TRDMT1: variants seen among roughly 807,000 people sequenced by gnomAD.
TRDMT1 encodes tRNA aspartic acid methyltransferase 1, also known as tRNA (cytosine(38)-C(5))-methyltransferase.
Under a neutral mutation model 51.2 loss-of-function variants are expected in TRDMT1, and 49 were observed. That is an observed-to-expected ratio of 0.96 (90% confidence interval 0.76 to 1.21). TRDMT1 has a LOEUF of 1.21. TRDMT1 is among the 50% of genes most tolerant of loss of function. The probability of loss-of-function intolerance (pLI) is 0.00; values close to 1 mark genes in which losing one functional copy is unlikely to be tolerated. For synonymous variants in TRDMT1, 187 were observed against 164.6 expected (o/e 1.14, Z -1.04); for missense variants, 534 against 462.3 (o/e 1.16, Z -1.42).
Position 17,161,545 on chromosome 10 carries a change from T to C in TRDMT1, c.327A>G (p.Leu109=), listed in dbSNP as rs1840358352. 1 of 1,273,430 alleles carries C rather than the reference T, an allele frequency of 7.9e-7. No homozygotes were observed. Among genetic ancestry groups the C allele is most frequent in the South Asian group, 1.5e-5 (1 of 67,682 alleles). 78.9% of individuals were successfully genotyped at this position (1,273,430 alleles called of 1,614,324 possible). A position where few individuals can be genotyped will look rare whatever the true frequency, so the allele number is the denominator to read the frequency against. ...FLHILDILPR[L]QKLPKYILLE... ...AAAGAATATACTTTGGTAATTTTTG[T>C]AATCTATAAAAAAATAAACAAATGG... The change falls in exon 5 of 11, where the codon TTA becomes TTG. Residue 109 remains leucine, a synonymous_variant. Coordinates refer to ENST00000377799, the MANE Select transcript of TRDMT1 (RefSeq NM_004412.7).
At chr10:17,195,409 C>T (rs1213016491) in intron 1 of TRDMT1, among the ~76,000 whole-genome samples, 4 of 152,056 alleles carry the variant, frequency 2.6e-5, no homozygotes, top group Non-Finnish European at 5.9e-5. Context: ...ACATTGGATA[C>T]TCATGGACAA....
At position 17,143,879 on chromosome 10, in the gene TRDMT1, T is replaced by C. The variant is rs1219655538; in HGVS notation, c.*5161A>G. The C allele has an allele frequency of 3.0e-6, 3 of 985,114 alleles. No homozygotes were observed. Among genetic ancestry groups the C allele is most frequent in the South Asian group, 4.7e-5 (1 of 21,280 alleles). 61.0% of individuals were successfully genotyped at this position (985,114 alleles called of 1,614,324 possible). On this transcript the variant is annotated 3_prime_UTR_variant, in exon 11 of 11. Transcript: ENST00000377799. ...TTAAAGTCAAGAGTGGAACTGACTA[T>C]AGAATGGAGTGTGCTTAGGTTGCAA...
At position 17,146,513 on chromosome 10, in the gene TRDMT1, C is replaced by T; in HGVS notation, c.*2527G>A. 2.9e-5 allele frequency: 29 copies of T among 985,288 alleles called. No individual in the cohort carries two copies. The highest frequency in any genetic ancestry group is 3.5e-5 in the Non-Finnish European group (29 of 829,804). The allele number at this position is 985,288 out of a possible 1,614,324, so 61.0% of individuals were successfully genotyped here. ...TGTTTACATTAATTGATTTGGTCAT[C>T]TCTTAGAATTAGTTTTGGATCCTGA... On this transcript the variant is annotated 3_prime_UTR_variant, in exon 11 of 11. Transcript: ENST00000377799.
At chr10:17,201,040 ATC>A (rs1846084493) in intron 1 of TRDMT1, among the ~76,000 whole-genome samples, 2 of 152,212 alleles carry the variant, frequency 1.3e-5, no homozygotes, top group Admixed American at 6.5e-5. Context: ...CTTTCCAACG[ATC>A]AGACGTCCAA....
chr10:17,179,695 G>C (rs953817636), intron 1 of TRDMT1, among the ~76,000 whole-genome samples: 7 of 146,602 alleles, frequency 4.8e-5, no homozygotes, highest in Admixed American at 1.4e-4. Flanking sequence ...AGAGTTTCAA[G>C]TAATGTAAGA....
Position 17,144,797 on chromosome 10 carries a change from A to T in TRDMT1, c.*4243T>A. ...AGAAACGGAAGCTAGAAACAACAACAACAAAAAATACTTTTTCTTTTTTTT... is the reference window on the plus strand; with the variant it reads ...AGAAACGGAAGCTAGAAACAACAACTACAAAAAATACTTTTTCTTTTTTTT... On this transcript the variant is annotated 3_prime_UTR_variant, in exon 11 of 11. Coordinates refer to ENST00000377799, the MANE Select transcript of TRDMT1 (RefSeq NM_004412.7). 1 of 985,328 alleles carries T rather than the reference A, an allele frequency of 1.0e-6. No individual in the cohort carries two copies. 61.0% of individuals were successfully genotyped at this position (985,328 alleles called of 1,614,324 possible). A position where few individuals can be genotyped will look rare whatever the true frequency, so the allele number is the denominator to read the frequency against.
rs969766997 is a variant in TRDMT1, at chr10:17,141,919, C to G, written c.*7121G>C. ...AGGATCTAATCAAATTATCTGTTAC[C>G]ACAGAATGTTTTCTATTTTGGTTAT... is the stretch of plus-strand genomic sequence containing the variant. On this transcript the variant is annotated 3_prime_UTR_variant, in exon 11 of 11. Coordinates refer to ENST00000377799, the MANE Select transcript of TRDMT1 (RefSeq NM_004412.7). Among the ~76,000 whole-genome samples, 8 of 152,202 alleles carry G rather than the reference C, an allele frequency of 5.3e-5. No homozygotes were observed. The highest frequency in any genetic ancestry group is 1.7e-4 in the African/African-American group (7 of 41,534).
intron 3 of TRDMT1, among the ~76,000 whole-genome samples, chr10:17,167,411 T>C (rs1165547095): frequency 3.3e-5 from 5 of 152,208 alleles, no homozygotes; most frequent in Admixed American, 3.3e-4. Flanking sequence ...ATGCCCCAGT[T>C]TCTCATCTGT....
chr10:17,157,910 A>G (rs757768499), intron 7 of TRDMT1, 126 bp from the exon 8 acceptor site: 3 of 701,734 alleles, frequency 4.3e-6, no homozygotes, highest in Non-Finnish European at 6.9e-6. Context: ...TAAAAGATAG[A>G]AATTGTGGTT....
chr10:17,145,077 C>G lies in TRDMT1; in HGVS notation c.*3963G>C, dbSNP rs536542008. On this transcript the variant is annotated 3_prime_UTR_variant, in exon 11 of 11. Coordinates refer to ENST00000377799, the MANE Select transcript of TRDMT1 (RefSeq NM_004412.7). ...CCAGCCTGGCCAACATGGTGAAACC[C>G]GATCTCTACTAATACAAAAATTAGC... 1.5e-6 allele frequency: 1 copy of G among 684,550 alleles called. No homozygotes were observed. Among genetic ancestry groups the G allele is most frequent in the Non-Finnish European group, 1.8e-6 (1 of 555,362 alleles). The allele number at this position is 684,550 out of a possible 1,614,324, so 42.4% of individuals were successfully genotyped here.
At chr10:17,156,794 G>A (rs1049335837) in intron 8 of TRDMT1, among the ~76,000 whole-genome samples, 15 of 152,114 alleles carry the variant, frequency 9.9e-5, no homozygotes, top group African/African-American at 3.1e-4. Context: ...TACTTATAAA[G>A]GGGGATAAAA....
intron 1 of TRDMT1, among the ~76,000 whole-genome samples, chr10:17,197,458 G>A (rs1053241832): frequency 2.6e-5 from 4 of 152,186 alleles, no homozygotes; most frequent in African/African-American, 9.6e-5. Context: ...TACTGGATAT[G>A]CTGATAAGGA....
chr10:17,172,188 G>T (rs942344877), intron 2 of TRDMT1, among the ~76,000 whole-genome samples: 2 of 151,942 alleles, frequency 1.3e-5, no homozygotes, highest in African/African-American at 4.8e-5. Flanking sequence ...TTCAAAACAC[G>T]TGATAAAGAT....
chr10:17,173,782 T>C (rs1167882733), intron 2 of TRDMT1, among the ~76,000 whole-genome samples: 2 of 150,920 alleles, frequency 1.3e-5, no homozygotes, highest in African/African-American at 2.4e-5. Flanking sequence ...CTTTTTTTTT[T>C]TTTTTTTTTT....
At position 17,139,483 on chromosome 10, in the gene TRDMT1, G is replaced by A. The variant is rs1837523296; in HGVS notation, c.*9557C>T. Among the ~76,000 whole-genome samples the A allele has an allele frequency of 6.6e-6, 1 of 151,978 alleles. No homozygotes were observed. The highest frequency in any genetic ancestry group is 2.4e-5 in the African/African-American group (1 of 41,368). ...GAGAGGTGAGGATGTCACCACCGAT[G>A]GGGGGAAGAAAAAAACAGTTTGGTT... On this transcript the variant is annotated 3_prime_UTR_variant, in exon 11 of 11. Coordinates refer to ENST00000377799, the MANE Select transcript of TRDMT1 (RefSeq NM_004412.7).
At chr10:17,173,475 T>C (rs1445406899) in intron 2 of TRDMT1, among the ~76,000 whole-genome samples, 1 of 152,178 alleles carries the variant, frequency 6.6e-6, no homozygotes, top group African/African-American at 2.4e-5. Context: ...ATTTGTGATA[T>C]ACTAGGAAGG....
At chr10:17,186,466 C>T (rs557292891) in intron 1 of TRDMT1, among the ~76,000 whole-genome samples, 1 of 152,060 alleles carries the variant, frequency 6.6e-6, no homozygotes, top group Admixed American at 6.6e-5. Context: ...CTTCTGGCTT[C>T]AAAGATAGAA....
chr10:17,149,213 T>TC, intron 10 of TRDMT1, 73 bp from the exon 11 acceptor site: 26 of 1,174,270 alleles, frequency 2.2e-5, no homozygotes, highest in African/African-American at 3.1e-5. Context: ...ATGTATCCTT[T>TC]AGTAAGGGCA....
At chr10:17,166,042 A>C (rs1187591881) in intron 3 of TRDMT1, among the ~76,000 whole-genome samples, 1 of 152,154 alleles carries the variant, frequency 6.6e-6, no homozygotes, top group Non-Finnish European at 1.5e-5. Flanking sequence ...AAGGATTATA[A>C]ATCGTGCTGC....
Sources: gnomAD v4.1 joint callset for allele counts (sites outside exome capture counted in the v4.1 genomes callset) on GRCh38, gnomAD v4.1.1 for gene constraint, MANE v1.5 for transcripts, NCBI Gene and HGNC (gene_info 2026-07-23, HGNC 2026-07-21) for gene names.